Variants in TRAPPC9 observed in about 807,000 individuals in gnomAD.
TRAPPC9 encodes the protein IKK2 binding protein.
Under a neutral mutation model 124.0 loss-of-function variants are expected in TRAPPC9, and 83 were observed. The ratio of observed to expected loss-of-function variants is 0.67; its 90% CI spans 0.56 to 0.80. The LOEUF (loss-of-function observed/expected upper bound fraction) is 0.80. TRAPPC9 is among the 30% of genes least tolerant of loss of function. The pLI is 0.00. For missense variants in TRAPPC9, 1,302 were observed against 1,508.3 expected (o/e 0.86, Z 2.27); for synonymous variants, 638 against 617.5 (o/e 1.03, Z -0.49).
At chr8:140,140,133 C>T (rs991146583) in intron 17 of TRAPPC9, among the ~76,000 whole-genome samples, 1 of 152,132 alleles carries the variant, frequency 6.6e-6, no homozygotes, top group African/African-American at 2.4e-5. Flanking sequence ...GGGCAGGGAA[C>T]CAGTCAAGGG....
chr8:139,843,795 A>G (rs893361479), intron 21 of TRAPPC9, among the ~76,000 whole-genome samples: 3 of 152,202 alleles, frequency 2.0e-5, no homozygotes, highest in African/African-American at 7.2e-5. Flanking sequence ...TGACACCTCA[A>G]TTTTAGCCCA....
chr8:140,029,716 A>G (rs73357150), intron 17 of TRAPPC9, among the ~76,000 whole-genome samples: 5,854 of 151,488 alleles, frequency 0.039, 323 homozygotes, highest in African/African-American at 0.13. Flanking sequence ...AAACATGTAA[A>G]TTAGAAAGAA....
chr8:139,948,988 G>A lies in TRAPPC9; in HGVS notation c.2811-38688C>T, dbSNP rs1370586050. On this transcript the variant is annotated intron_variant, in intron 19 of 22. Transcript: ENST00000438773. ...ATTGGGAGGCTGAGGCGGGAGAATC[G>A]CTTGAACCCAGGAGGCAGAGGTTGC... is the stretch of plus-strand genomic sequence containing the variant. 6.6e-5 allele frequency among the ~76,000 whole-genome samples: 10 copies of A among 152,136 alleles called. No homozygotes were observed. In the South Asian group the frequency reaches 1.5e-3, roughly 22 times the overall value.
At chr8:140,300,800 C>T (rs1007530973) in intron 10 of TRAPPC9, among the ~76,000 whole-genome samples, 186 bp from the exon 11 acceptor site, 1 of 152,236 alleles carries the variant, frequency 6.6e-6, no homozygotes, top group African/African-American at 2.4e-5. Flanking sequence ...ACTCAAGATT[C>T]TCCCAGACAG....
intron 21 of TRAPPC9, among the ~76,000 whole-genome samples, chr8:139,851,524 G>A (rs1452575074): frequency 6.6e-6 from 1 of 152,138 alleles, no homozygotes; most frequent in South Asian, 2.1e-4. Flanking sequence ...TTCAAACGGG[G>A]ATGAACGGTC....
chr8:140,120,601 TCATC>T (rs2060966420), intron 17 of TRAPPC9, among the ~76,000 whole-genome samples: 1 of 140,058 alleles, frequency 7.1e-6, no homozygotes, highest in Admixed American at 7.0e-5. Context: ...CATCCATCCA[TCATC>T]CAACATCCAT....
intron 5 of TRAPPC9, among the ~76,000 whole-genome samples, chr8:140,412,003 G>A (rs13439089): frequency 0.21 from 31,554 of 152,164 alleles, 3,429 homozygotes; most frequent in Middle Eastern, 0.31. Flanking sequence ...CAGAACCAGT[G>A]GGTGAAAGTG....
At chr8:140,128,224 A>G (rs2061133612) in intron 17 of TRAPPC9, among the ~76,000 whole-genome samples, 1 of 152,248 alleles carries the variant, frequency 6.6e-6, no homozygotes, top group Non-Finnish European at 1.5e-5. Context: ...CATCACAATT[A>G]TGCTCGGTGG....
At position 139,967,245 on chromosome 8, in the gene TRAPPC9, T is replaced by C. The variant is rs1350772390; in HGVS notation, c.2810+21481A>G. Reference sequence around the variant, plus strand: ...TTCCCCTTCACTTTTCCCTCTGCCATACTCCCCAGTATGTCTCAGAGAGGA... The same window carrying C: ...TTCCCCTTCACTTTTCCCTCTGCCACACTCCCCAGTATGTCTCAGAGAGGA... On this transcript the variant is annotated intron_variant, in intron 19 of 22. Coordinates refer to ENST00000438773, the MANE Select transcript of TRAPPC9 (RefSeq NM_001160372.4). 3.9e-5 allele frequency among the ~76,000 whole-genome samples: 6 copies of C among 152,178 alleles called. No homozygotes were observed. In the South Asian group the frequency reaches 6.2e-4, roughly 16 times the overall value.
chr8:139,755,428 GA>G (rs1819661272), intron 21 of TRAPPC9, among the ~76,000 whole-genome samples: 1 of 145,714 alleles, frequency 6.9e-6, no homozygotes, highest in Non-Finnish European at 1.5e-5. Context: ...TTGGGGATGA[GA>G]ACAGCATGTC....
At chr8:140,329,708 T>C (rs6578096) in intron 9 of TRAPPC9, among the ~76,000 whole-genome samples, 97,447 of 151,584 alleles carry the variant, frequency 0.64, 31,596 homozygotes, top group African/African-American at 0.75. Flanking sequence ...ATTTTTGTGC[T>C]CATTTCGGAA....
chr8:140,075,631 A>G (rs1390424885), intron 17 of TRAPPC9, among the ~76,000 whole-genome samples: 1 of 152,248 alleles, frequency 6.6e-6, no homozygotes, highest in East Asian at 1.9e-4. Flanking sequence ...AAGCATGTAT[A>G]TTATATGCAC....
At chr8:140,138,494 A>G (rs939579012) in intron 17 of TRAPPC9, among the ~76,000 whole-genome samples, 17 of 152,180 alleles carry the variant, frequency 1.1e-4, no homozygotes, top group African/African-American at 4.1e-4. Context: ...CGTCTTTGCC[A>G]GTTCTGTTCT....
At chr8:139,988,661 T>C (rs1837417900) in intron 19 of TRAPPC9, 65 bp downstream of exon 19, 1 of 1,124,134 alleles carries the variant, frequency 8.9e-7, no homozygotes. Flanking sequence ...CTCCACACCC[T>C]CCCAAGCAGC....
chr8:140,276,566 G>C (rs1031066823), intron 14 of TRAPPC9, among the ~76,000 whole-genome samples: 3 of 152,196 alleles, frequency 2.0e-5, no homozygotes, highest in African/African-American at 7.2e-5. Context: ...GACTTCTATT[G>C]ACTTTAACTG....
chr8:140,267,385 G>A (rs534934940), intron 15 of TRAPPC9, among the ~76,000 whole-genome samples: 1 of 152,298 alleles, frequency 6.6e-6, no homozygotes, highest in Admixed American at 6.5e-5. Flanking sequence ...TGTCCCAAGA[G>A]CTTTCCCCAT....
At chr8:140,352,304 G>A (rs1054440835) in intron 9 of TRAPPC9, among the ~76,000 whole-genome samples, 1 of 152,180 alleles carries the variant, frequency 6.6e-6, no homozygotes, top group African/African-American at 2.4e-5. Context: ...TTTTATTTTA[G>A]TAAGACTTTT....
chr8:140,175,451 A>T (rs2062047364), intron 17 of TRAPPC9, among the ~76,000 whole-genome samples: 1 of 152,084 alleles, frequency 6.6e-6, no homozygotes, highest in Non-Finnish European at 1.5e-5. Flanking sequence ...TCTGAAAAAG[A>T]GTTGGTTCCA....
chr8:139,767,770 G>T (rs903040269), intron 21 of TRAPPC9, among the ~76,000 whole-genome samples: 1 of 152,254 alleles, frequency 6.6e-6, no homozygotes, highest in African/African-American at 2.4e-5. Context: ...AGTAATCAAA[G>T]AATGCAGGCT....
Sources: gnomAD v4.1 joint callset for allele counts (sites outside exome capture counted in the v4.1 genomes callset) on GRCh38, gnomAD v4.1.1 for gene constraint, MANE v1.5 for transcripts, NCBI Gene and HGNC (gene_info 2026-07-23, HGNC 2026-07-21) for gene names.